The following LRRC7 variants were observed in gnomAD, a reference collection of about 807,000 sequenced individuals.
The protein encoded by LRRC7 is leucine rich repeat containing 7.
In LRRC7, 23 loss-of-function variants were observed where a neutral mutation model predicts 175.7. The ratio of observed to expected loss-of-function variants is 0.13; its 90% CI spans 0.09 to 0.19. LRRC7 has a LOEUF of 0.19. LRRC7 is among the 10% of genes least tolerant of loss of function. The pLI is 1.00. For synonymous variants in LRRC7, 685 were observed against 680.9 expected, an observed-to-expected ratio of 1.01 and a Z score of -0.09; for missense variants, 1,354 against 1,904.7, an observed-to-expected ratio of 0.71 and a Z score of 5.38.
intron 1 of LRRC7, among the ~76,000 whole-genome samples, chr1:69,592,045 A>G (rs1350566241): frequency 6.6e-6 from 1 of 152,110 alleles, no homozygotes; most frequent in Non-Finnish European, 1.5e-5. Context: ...TTCACCTTAT[A>G]GTCTACAGGA....
chr1:69,926,722 C>T (rs1185322561), intron 7 of LRRC7, among the ~76,000 whole-genome samples: 2 of 152,068 alleles, frequency 1.3e-5, no homozygotes, highest in Admixed American at 6.5e-5. Context: ...AGATGGGTGT[C>T]CTGAATACAG....
intron 7 of LRRC7, among the ~76,000 whole-genome samples, chr1:69,849,358 G>A (rs2101447600): frequency 6.6e-6 from 1 of 151,946 alleles, no homozygotes; most frequent in East Asian, 1.9e-4. Flanking sequence ...AAGTCATTAA[G>A]GCTATCTATT....
chr1:70,123,561 C>A lies in LRRC7; in HGVS notation c.*1674C>A, dbSNP rs184283702. Reference sequence around the variant, plus strand: ...AATACTTCACTTTATAGATGATGCACTAATTTTGATGTTGCTTTATGTCAG... The same window carrying A: ...AATACTTCACTTTATAGATGATGCAATAATTTTGATGTTGCTTTATGTCAG... On this transcript the variant is annotated 3_prime_UTR_variant, in exon 27 of 27. Coordinates refer to ENST00000651989, the MANE Select transcript of LRRC7 (RefSeq NM_001370785.2). 6.6e-6 allele frequency: 1 copy of A among 152,194 alleles called. No individual in the cohort carries two copies. The highest frequency in any genetic ancestry group is 2.4e-5 in the African/African-American group (1 of 41,548). The allele number at this position is 152,194 out of a possible 1,614,324, so 9.4% of individuals were successfully genotyped here. A position where few individuals can be genotyped will look rare whatever the true frequency, so the allele number is the denominator to read the frequency against.
chr1:69,881,552 A>C (rs1440165358), intron 7 of LRRC7, among the ~76,000 whole-genome samples: 1 of 152,126 alleles, frequency 6.6e-6, no homozygotes, highest in African/African-American at 2.4e-5. Flanking sequence ...TCAAACAAAA[A>C]GGTTTTTACA....
chr1:69,952,317 A>T (rs1650024943), intron 8 of LRRC7, among the ~76,000 whole-genome samples: 1 of 152,056 alleles, frequency 6.6e-6, no homozygotes, highest in Admixed American at 6.6e-5. Flanking sequence ...GTAAATATTT[A>T]TTCCTTGCCC....
chr1:69,638,580 G>T (rs1374216136), intron 1 of LRRC7, among the ~76,000 whole-genome samples: 1 of 151,680 alleles, frequency 6.6e-6, no homozygotes, highest in Non-Finnish European at 1.5e-5. Flanking sequence ...TAAGAACCGA[G>T]AGTATATCAA....
intron 7 of LRRC7, among the ~76,000 whole-genome samples, chr1:69,850,346 C>T (rs369191023): frequency 6.6e-5 from 10 of 152,138 alleles, no homozygotes; most frequent in South Asian, 6.2e-4. Flanking sequence ...AATTTATGAA[C>T]TGCCTTGTGA....
chr1:70,119,219 C>A (rs547671632), intron 26 of LRRC7, among the ~76,000 whole-genome samples: 7 of 152,022 alleles, frequency 4.6e-5, no homozygotes, highest in Middle Eastern at 3.4e-3. Context: ...CTTTGGGAAT[C>A]ACACTTGTTC....
intron 7 of LRRC7, among the ~76,000 whole-genome samples, chr1:69,845,060 G>A (rs1313849332): frequency 2.6e-5 from 4 of 152,014 alleles, no homozygotes; most frequent in Non-Finnish European, 5.9e-5. Flanking sequence ...GACCAGCCCA[G>A]GCAACAGAGC....
chr1:69,769,695 C>T (rs1019220699), intron 3 of LRRC7, among the ~76,000 whole-genome samples: 1 of 152,000 alleles, frequency 6.6e-6, no homozygotes, highest in African/African-American at 2.4e-5. Flanking sequence ...GGATATTTAA[C>T]ATGTATAACT....
intron 26 of LRRC7, among the ~76,000 whole-genome samples, chr1:70,113,043 TA>T (rs1424942825): frequency 2.6e-5 from 4 of 151,942 alleles, no homozygotes; most frequent in Non-Finnish European, 4.4e-5. Flanking sequence ...AGGATGGCGA[TA>T]GGGGGAGACA....
chr1:69,791,816 T>C (rs1675154285), intron 3 of LRRC7, among the ~76,000 whole-genome samples: 1 of 151,868 alleles, frequency 6.6e-6, no homozygotes, highest in Admixed American at 6.6e-5. Flanking sequence ...CAAAATAGAA[T>C]ATCTTGGGTT....
At chr1:69,946,642 A>G (rs964717431) in intron 8 of LRRC7, among the ~76,000 whole-genome samples, 2 of 143,780 alleles carry the variant, frequency 1.4e-5, no homozygotes, top group African/African-American at 2.5e-5. Flanking sequence ...CCCCTTTATC[A>G]TTATATAATG....
intron 8 of LRRC7, among the ~76,000 whole-genome samples, chr1:69,936,599 T>C (rs1486587932): frequency 6.6e-6 from 1 of 152,182 alleles, no homozygotes; most frequent in Non-Finnish European, 1.5e-5. Context: ...AGGTGGTGCA[T>C]GTGCAGGTTT....
rs78489539 is a variant in LRRC7 at position 70,124,542 on chromosome 1, T to A, written c.*2655T>A. Among the ~76,000 whole-genome samples, 4,417 of 152,026 alleles carry A rather than the reference T, an allele frequency of 0.029. 153 individuals are homozygous for A. Among genetic ancestry groups the A allele is most frequent in the African/African-American group, 0.082 (3,422 of 41,486 alleles). On this transcript the variant is annotated 3_prime_UTR_variant, in exon 27 of 27. Transcript: ENST00000651989. ...TCTGTCTCAAAATAAATAAATAAAT[T>A]ATTTATTTAAGTAGAAAAGAGGCAA...
chr1:70,071,476 C>T (rs540967591), intron 23 of LRRC7, among the ~76,000 whole-genome samples: 1 of 151,804 alleles, frequency 6.6e-6, no homozygotes, highest in African/African-American at 2.4e-5. Context: ...TAACAACTAA[C>T]CTGCATTAAA....
chr1:69,607,804 A>G lies in LRRC7; in HGVS notation c.2+39163A>G, dbSNP rs182982423. On this transcript the variant is annotated intron_variant, in intron 1 of 26. Coordinates refer to ENST00000651989, the MANE Select transcript of LRRC7 (RefSeq NM_001370785.2). ...AGATTATGTTCAACTAGAATAGTCA[A>G]TATCAATTTTTAGTTTGTCCTGAGG... is the stretch of plus-strand genomic sequence containing the variant. 3.9e-5 allele frequency: 6 copies of G among 152,258 alleles called. No individual in the cohort carries two copies. The East Asian group carries it at 7.7e-4, about 20-fold the overall frequency. The allele number at this position is 152,258 out of a possible 1,614,324, so 9.4% of individuals were successfully genotyped here.
At chr1:69,602,668 T>C (rs1157431347) in intron 1 of LRRC7, among the ~76,000 whole-genome samples, 1 of 152,148 alleles carries the variant, frequency 6.6e-6, no homozygotes, top group East Asian at 1.9e-4. Flanking sequence ...GAAATTATGA[T>C]GTTAGCAGGT....
intron 23 of LRRC7, 108 bp from the exon 24 acceptor site, chr1:70,075,969 G>C: frequency 8.8e-7 from 1 of 1,133,416 alleles, no homozygotes; most frequent in Non-Finnish European, 1.3e-6. Flanking sequence ...ATGGCTGAGA[G>C]CCCAAATGGT....
Sources: allele counts gnomAD v4.1 joint callset (sites outside exome capture counted in the v4.1 genomes callset), GRCh38; gene constraint gnomAD v4.1.1; transcripts MANE v1.5; gene names NCBI Gene and HGNC (gene_info 2026-07-23, HGNC 2026-07-21).